The following DDAH1 variants were observed in gnomAD, a reference collection of about 807,000 sequenced individuals.
DDAH1 encodes dimethylarginine dimethylaminohydrolase 1, also known as N(G),N(G)-dimethylarginine dimethylaminohydrolase 1.
Under a neutral mutation model 28.8 loss-of-function variants are expected in DDAH1, and 19 were observed. The observed-to-expected ratio is 0.66, with a 90% CI of 0.46 to 0.97. The LOEUF is 0.97. Among genes scored for constraint, DDAH1 ranks in the 50% least tolerant of loss-of-function variants. The probability of loss-of-function intolerance (pLI) is 0.00; values close to 1 mark genes in which losing one functional copy is unlikely to be tolerated. For missense variants in DDAH1, 326 were observed against 375.9 expected, an observed-to-expected ratio of 0.87 and a Z score of 1.10; for synonymous variants, 153 against 154.4, an observed-to-expected ratio of 0.99 and a Z score of 0.07.
chr1:85,456,728 G>A (rs956808956), intron 1 of DDAH1, among the ~76,000 whole-genome samples: 1 of 152,146 alleles, frequency 6.6e-6, no homozygotes, highest in African/African-American at 2.4e-5. Context: ...AAGTTGAGGA[G>A]CATCTGTATA....
At chr1:85,574,939 G>A (rs1461844560) in intron 1 of DDAH1, among the ~76,000 whole-genome samples, 1 of 151,776 alleles carries the variant, frequency 6.6e-6, no homozygotes, top group African/African-American at 2.4e-5. Context: ...GGGAGAAAAC[G>A]GGTTAAAAAC....
chr1:85,495,851 C>T (rs778711350), intron 2 of DDAH1: 5 of 152,180 alleles, frequency 3.3e-5, no homozygotes, highest in African/African-American at 7.2e-5. Flanking sequence ...GCCTCAGCGA[C>T]GAGTGGCAAC....
At chr1:85,387,239 T>C (rs1489919311) in intron 1 of DDAH1, among the ~76,000 whole-genome samples, 1 of 152,124 alleles carries the variant, frequency 6.6e-6, no homozygotes, top group Non-Finnish European at 1.5e-5. Context: ...TCCTACTACA[T>C]AGGCAGGCTG....
At chr1:85,382,625 T>C (rs1453004719) in intron 1 of DDAH1, among the ~76,000 whole-genome samples, 1 of 152,222 alleles carries the variant, frequency 6.6e-6, no homozygotes, top group Non-Finnish European at 1.5e-5. Flanking sequence ...AGTAGCCTTA[T>C]ATTGGAAGAA....
chr1:85,395,712 G>GA (rs1327834373), intron 1 of DDAH1, among the ~76,000 whole-genome samples: 9 of 151,838 alleles, frequency 5.9e-5, no homozygotes, highest in Non-Finnish European at 1.2e-4. Context: ...GTGAAGGTTT[G>GA]AGCAAGCTGC....
intron 1 of DDAH1, among the ~76,000 whole-genome samples, chr1:85,499,444 G>T (rs636379): frequency 0.33 from 49,929 of 152,024 alleles, 9,489 homozygotes; most frequent in Non-Finnish European, 0.44. Context: ...GGAGGCCAAG[G>T]TGGGTGGCTC....
At chr1:85,365,481 A>C (rs374983520) in intron 1 of DDAH1, among the ~76,000 whole-genome samples, 59 of 152,324 alleles carry the variant, frequency 3.9e-4, no homozygotes, top group African/African-American at 1.4e-3. Flanking sequence ...ACACAAACTA[A>C]GGCTAATAAA....
At chr1:85,403,333 C>CAAAG (rs1390322381) in intron 1 of DDAH1, among the ~76,000 whole-genome samples, 1 of 150,398 alleles carries the variant, frequency 6.6e-6, no homozygotes, top group Admixed American at 6.6e-5. Context: ...TAGTTATATC[C>CAAAG]AAAGAAAAAA....
intron 1 of DDAH1, among the ~76,000 whole-genome samples, chr1:85,446,406 T>C (rs1237686303): frequency 6.6e-6 from 1 of 152,164 alleles, no homozygotes; most frequent in Non-Finnish European, 1.5e-5. Flanking sequence ...CAATTACCTC[T>C]ACCTGGTCTC....
intron 2 of DDAH1, among the ~76,000 whole-genome samples, chr1:85,491,847 C>A (rs549821605): frequency 6.6e-6 from 1 of 152,296 alleles, no homozygotes; most frequent in South Asian, 2.1e-4. Flanking sequence ...TTGTTCAAAA[C>A]AAAGTCTGCA....
At chr1:85,500,217 T>C (rs180806442) in intron 1 of DDAH1, among the ~76,000 whole-genome samples, 1 of 151,050 alleles carries the variant, frequency 6.6e-6, no homozygotes, top group East Asian at 1.9e-4. Flanking sequence ...CCTTCCTTCC[T>C]TTCTTTTTTC....
chr1:85,491,447 T>G (rs1046208129), intron 2 of DDAH1, among the ~76,000 whole-genome samples: 5 of 152,204 alleles, frequency 3.3e-5, no homozygotes, highest in African/African-American at 1.2e-4. Flanking sequence ...CTGGTAGAAC[T>G]GCTGTTAGGA....
chr1:85,577,436 G>C (rs79552466), intron 1 of DDAH1, among the ~76,000 whole-genome samples: 5,845 of 152,260 alleles, frequency 0.038, 414 homozygotes, highest in African/African-American at 0.13. Context: ...GCTTTGAAGA[G>C]TGGAGTTGTG....
intron 1 of DDAH1, among the ~76,000 whole-genome samples, chr1:85,526,392 T>C (rs1420647950): frequency 6.6e-6 from 1 of 152,220 alleles, no homozygotes; most frequent in East Asian, 1.9e-4. Context: ...AGTCACATGC[T>C]GAATATAGAG....
intron 1 of DDAH1, among the ~76,000 whole-genome samples, chr1:85,405,509 T>G (rs187307173): frequency 3.5e-3 from 529 of 152,290 alleles, no homozygotes; most frequent in African/African-American, 0.012. Flanking sequence ...TTCTGTAAGC[T>G]TAAAGTCTTA....
chr1:85,405,485 T>C (rs1450754973), intron 1 of DDAH1, among the ~76,000 whole-genome samples: 2 of 152,094 alleles, frequency 1.3e-5, no homozygotes, highest in East Asian at 3.8e-4. Flanking sequence ...TAAATGGAGG[T>C]CACACCTTAT....
At chr1:85,408,515 C>CA (rs1652511476) in intron 1 of DDAH1, among the ~76,000 whole-genome samples, 1 of 151,978 alleles carries the variant, frequency 6.6e-6, no homozygotes, top group South Asian at 2.1e-4. Context: ...ACTTACTTTA[C>CA]AAAAAAAGTA....
At chr1:85,536,389 C>T (rs1658278243) in intron 1 of DDAH1, among the ~76,000 whole-genome samples, 1 of 151,654 alleles carries the variant, frequency 6.6e-6, no homozygotes, top group Non-Finnish European at 1.5e-5. Flanking sequence ...CCCGTCTCTA[C>T]TAAATATACA....
intron 1 of DDAH1, among the ~76,000 whole-genome samples, chr1:85,500,695 T>G (rs913725149): frequency 2.6e-5 from 4 of 152,202 alleles, no homozygotes; most frequent in African/African-American, 9.6e-5. Context: ...AACTCCAGTT[T>G]CACAGATGTT....
Sources: allele counts gnomAD v4.1 joint callset (sites outside exome capture counted in the v4.1 genomes callset), GRCh38; gene constraint gnomAD v4.1.1; transcripts MANE v1.5; gene names NCBI Gene and HGNC (gene_info 2026-07-23, HGNC 2026-07-21).